NFATC2: variants seen among roughly 807,000 people sequenced by gnomAD.
NFATC2 encodes nuclear factor of activated T cells 2.
A neutral mutation model predicts 87.3 loss-of-function variants in NFATC2; 22 were observed. The observed-to-expected ratio is 0.25, with a 90% CI of 0.18 to 0.36. NFATC2 has a LOEUF of 0.36. Ranked by LOEUF, NFATC2 falls within the 10% of genes least tolerant of loss-of-function variation. NFATC2 has a pLI of 1.00. For synonymous variants in NFATC2, 565 were observed against 542.2 expected (o/e 1.04, Z -0.58); for missense variants, 1,149 against 1,259.1 (o/e 0.91, Z 1.32).
rs3787200 is a variant in NFATC2, at chr20:51,480,096, C to T, written c.1333-4436G>A. 0.44 allele frequency among the ~76,000 whole-genome samples: 66,153 copies of T among 151,700 alleles called. 15,698 individuals are homozygous for T. The highest frequency in any genetic ancestry group is 0.63 in the African/African-American group (25,982 of 41,342). On this transcript the variant is annotated intron_variant, in intron 3 of 10. Coordinates refer to ENST00000371564, the MANE Select transcript of NFATC2 (RefSeq NM_012340.5). This position sits in a 1 kb window ranked among gnomAD's most constrained non-coding sequence, Gnocchi z 4.2. ...TGACGTCAGGAGTTCAAGACCAGCC[C>T]GGGCAACATGGTGAAACCCCGTCTC...
chr20:51,555,545 AT>A (rs1358932184), intron 1 of NFATC2, among the ~76,000 whole-genome samples: 1 of 151,562 alleles, frequency 6.6e-6, no homozygotes, highest in Non-Finnish European at 1.5e-5. Context: ...GTAAGCTGAG[AT>A]TGCCGCCATT....
intron 3 of NFATC2, among the ~76,000 whole-genome samples, chr20:51,514,294 AATG>A: frequency 6.6e-6 from 1 of 152,218 alleles, no homozygotes; most frequent in East Asian, 1.9e-4. Context: ...CAAAGCCAGA[AATG>A]GATACAGATT....
chr20:51,424,346 T>TCTGCCC (rs1386421731), intron 9 of NFATC2, among the ~76,000 whole-genome samples: 5 of 152,138 alleles, frequency 3.3e-5, no homozygotes, highest in African/African-American at 4.8e-5. Flanking sequence ...AGAGCCTAGC[T>TCTGCCC]CTGCCCCTGC....
chr20:51,506,074 G>A (rs2076173977), intron 3 of NFATC2, among the ~76,000 whole-genome samples: 1 of 152,184 alleles, frequency 6.6e-6, no homozygotes, highest in Non-Finnish European at 1.5e-5. Flanking sequence ...GCCTCCTGAA[G>A]AGCAATGCAA....
chr20:51,488,764 T>G (rs1290009432), intron 3 of NFATC2, among the ~76,000 whole-genome samples: 1 of 152,204 alleles, frequency 6.6e-6, no homozygotes, highest in Non-Finnish European at 1.5e-5. Flanking sequence ...AGCCTCTCGC[T>G]AATTTCTGCC....
intron 6 of NFATC2, among the ~76,000 whole-genome samples, chr20:51,446,466 C>T (rs564451730): frequency 3.4e-4 from 52 of 152,228 alleles, no homozygotes; most frequent in African/African-American, 1.1e-3. Flanking sequence ...GGCTTCAGGC[C>T]GAGTCTGCTG....
chr20:51,489,662 C>T (rs984486506), intron 3 of NFATC2, among the ~76,000 whole-genome samples: 7 of 152,132 alleles, frequency 4.6e-5, no homozygotes, highest in Middle Eastern at 3.2e-3. Flanking sequence ...ATACGTGCAC[C>T]GGCCTGCTTT....
Position 51,418,948 on chromosome 20 carries a change from G to GCCCCCCCC in NFATC2, c.2722+13118_2722+13119insGGGGGGGG, listed in dbSNP as rs1163176517. On this transcript the variant is annotated intron_variant, in intron 9 of 10. Coordinates refer to ENST00000371564, the MANE Select transcript of NFATC2 (RefSeq NM_012340.5). Reference sequence around the variant, plus strand: ...CAAAGTGCTGGGATTATAGGCGTGAGCCACCCCCACCGCCCTAGGTTTTCT... The same window carrying GCCCCCCCC: ...CAAAGTGCTGGGATTATAGGCGTGAGCCCCCCCCCCACCCCCACCGCCCTAGGTTTTCT... 2.1e-5 allele frequency among the ~76,000 whole-genome samples: 3 copies of GCCCCCCCC among 142,396 alleles called. No homozygotes were observed. In the East Asian group the frequency reaches 6.6e-4, roughly 31 times the overall value. 93.4% of individuals were successfully genotyped at this position (142,396 alleles called of 152,430 possible). A position where few individuals can be genotyped will look rare whatever the true frequency, so the allele number is the denominator to read the frequency against.
chr20:51,491,819 T>A (rs1336111803), intron 3 of NFATC2, among the ~76,000 whole-genome samples: 1 of 150,870 alleles, frequency 6.6e-6, no homozygotes, highest in Non-Finnish European at 1.5e-5. Flanking sequence ...CTTCTCCCAT[T>A]GATTTTCACA....
At chr20:51,466,141 C>T (rs1309202928) in intron 5 of NFATC2, among the ~76,000 whole-genome samples, 2 of 152,150 alleles carry the variant, frequency 1.3e-5, no homozygotes, top group South Asian at 2.1e-4. Flanking sequence ...CAACCTCCGC[C>T]TCCCGGGTTC....
chr20:51,526,822 G>A (rs1469817830), intron 1 of NFATC2, among the ~76,000 whole-genome samples: 3 of 151,998 alleles, frequency 2.0e-5, no homozygotes, highest in African/African-American at 7.3e-5. Context: ...AGCCTGGCTG[G>A]GCCCTGCCTG....
In NFATC2 at chr20:51,523,285, G is replaced by A. The variant is rs1438575223; in HGVS notation, c.956C>T (p.Pro319Leu). ...SLATDSPCGIPPKMWKTSPDP... is the reference protein window; with the variant it reads ...SLATDSPCGILPKMWKTSPDP... ...AGGGCTGGTCTTCCACATCTTGGGG[G>A]GGATCCCACAAGGCGAGTCCGTGGC... is the stretch of plus-strand genomic sequence containing the variant. The change falls in exon 2 of 11, where the codon CCC (proline) becomes CTC (leucine). Residue 319 changes from proline to leucine, a missense_variant. Pro to Leu is a moderately conservative substitution (Grantham distance 98). Coordinates refer to ENST00000371564, the MANE Select transcript of NFATC2 (RefSeq NM_012340.5). The surrounding 1 kb of genome is among the most constrained non-coding windows in gnomAD (Gnocchi z 6.9). 1 of 1,613,890 alleles carries A rather than the reference G, an allele frequency of 6.2e-7. No individual in the cohort carries two copies. Among genetic ancestry groups the A allele is most frequent in the Non-Finnish European group, 8.5e-7 (1 of 1,179,842 alleles).
chr20:51,519,689 GC>G (rs111926359), intron 2 of NFATC2, among the ~76,000 whole-genome samples: 3,946 of 149,238 alleles, frequency 0.026, 156 homozygotes, highest in African/African-American at 0.092. Context: ...GCCAATGCAG[GC>G]AGATGACGAG....
At chr20:51,500,478 T>C (rs1204538964) in intron 3 of NFATC2, among the ~76,000 whole-genome samples, 1 of 151,704 alleles carries the variant, frequency 6.6e-6, no homozygotes, top group African/African-American at 2.4e-5. Flanking sequence ...CTCTGAGTCA[T>C]AGAATTAAGT....
intron 5 of NFATC2, among the ~76,000 whole-genome samples, chr20:51,462,703 C>A (rs1386724041): frequency 3.9e-5 from 6 of 152,150 alleles, no homozygotes; most frequent in Non-Finnish European, 5.9e-5. Context: ...ATGAGCTAAT[C>A]CATGGGCCTG....
At chr20:51,529,701 G>A (rs1377747073) in intron 1 of NFATC2, among the ~76,000 whole-genome samples, 1 of 151,232 alleles carries the variant, frequency 6.6e-6, no homozygotes. Flanking sequence ...CTATCCATGT[G>A]CCACCAAAAA....
At chr20:51,515,113 A>C (rs1309133221) in intron 3 of NFATC2, among the ~76,000 whole-genome samples, 1 of 152,216 alleles carries the variant, frequency 6.6e-6, no homozygotes, top group Non-Finnish European at 1.5e-5. Context: ...TCAGAGTGCC[A>C]GGCTGTGGAA....
chr20:51,512,106 G>A (rs2076280935), intron 3 of NFATC2, among the ~76,000 whole-genome samples: 2 of 152,156 alleles, frequency 1.3e-5, no homozygotes, highest in South Asian at 2.1e-4. Context: ...GGAGGAGGAG[G>A]AGGACATCAT....
intron 9 of NFATC2, among the ~76,000 whole-genome samples, 188 bp downstream of exon 9, chr20:51,431,879 T>G (rs1184544843): frequency 6.6e-6 from 1 of 152,156 alleles, no homozygotes; most frequent in Non-Finnish European, 1.5e-5. Flanking sequence ...CAACTACTGC[T>G]GGGAGGTAAT....
Sources: gnomAD v4.1 joint callset for allele counts (sites outside exome capture counted in the v4.1 genomes callset) on GRCh38, gnomAD v4.1.1 for gene constraint, Gnocchi (gnomAD v3.1) non-coding constraint, MANE v1.5 for transcripts, NCBI Gene and HGNC (gene_info 2026-07-23, HGNC 2026-07-21) for gene names.